EVI5: variants seen among roughly 807,000 people sequenced by gnomAD.
EVI5 encodes ecotropic viral integration site 5 protein homolog.
In EVI5, 73 loss-of-function variants were observed where a neutral mutation model predicts 112.0. The observed-to-expected ratio is 0.65, with a 90% CI of 0.54 to 0.79. The LOEUF (loss-of-function observed/expected upper bound fraction) is 0.79, where lower values mean the gene tolerates loss of function less well. Ranked by LOEUF, EVI5 falls within the 30% of genes least tolerant of loss-of-function variation. The pLI, the probability that EVI5 is intolerant of heterozygous loss-of-function variation, is 0.00. For missense variants in EVI5, 900 were observed against 968.8 expected, an observed-to-expected ratio of 0.93 and a Z score of 0.94; for synonymous variants, 305 against 319.9, an observed-to-expected ratio of 0.95 and a Z score of 0.50.
chr1:92,751,742 G>A (rs1680225298), intron 1 of EVI5, among the ~76,000 whole-genome samples: 1 of 152,120 alleles, frequency 6.6e-6, no homozygotes, highest in Admixed American at 6.5e-5. Context: ...ACCGGGCACA[G>A]TGGCTCCCGT....
At chr1:92,608,814 GCA>G (rs1478624336) in intron 16 of EVI5, among the ~76,000 whole-genome samples, 1 of 152,058 alleles carries the variant, frequency 6.6e-6, no homozygotes, top group Non-Finnish European at 1.5e-5. Context: ...TCAATGTCTA[GCA>G]CAGTCTCTTT....
rs1388324838 is a variant in EVI5, at chr1:92,703,587, A to G, written c.372T>C (p.Phe124=). The part of the protein sequence containing the change: ...ELVHKGIPHH[F]RAIVWQLLCS... ...ATAAAAGTTGCCAAACTATTGCTCT[A>G]AAGTGATGGGGTATCCCTTTATGAA... The change falls in exon 4 of 20, where the codon TTT becomes TTC. Residue 124 remains phenylalanine, a synonymous_variant. Transcript: ENST00000684568. The G allele has an allele frequency of 1.3e-6, 2 of 1,593,200 alleles. No individual in the cohort carries two copies. The highest frequency in any genetic ancestry group is 1.7e-6 in the Non-Finnish European group (2 of 1,173,144).
chr1:92,620,149 A>C (rs1338624084), intron 16 of EVI5, among the ~76,000 whole-genome samples: 2 of 152,184 alleles, frequency 1.3e-5, no homozygotes, highest in Non-Finnish European at 2.9e-5. Context: ...GTTTGAGAAC[A>C]GCCTGACCAA....
intron 19 of EVI5, among the ~76,000 whole-genome samples, chr1:92,533,384 C>G (rs1014585999): frequency 6.6e-6 from 1 of 152,156 alleles, no homozygotes; most frequent in African/African-American, 2.4e-5. Context: ...ACCATTCCTT[C>G]TGAAACTATT....
In EVI5 at chr1:92,598,041, A is replaced by C. The variant is rs367739936; in HGVS notation, c.2070+7266T>G. The stretch of plus-strand genomic sequence containing the variant: ...ACCACTGCACTCTGGTCTGAGCAAC[A>C]AAGTGAGACCTTTTTTTTGAAACAG... On this transcript the variant is annotated intron_variant, in intron 18 of 19. Coordinates refer to ENST00000684568, the MANE Select transcript of EVI5 (RefSeq NM_001350197.2). Among the ~76,000 whole-genome samples the C allele has an allele frequency of 1.2e-4, 18 of 152,242 alleles. 1 individual carries two copies. The South Asian group carries it at 3.5e-3, about 30-fold the overall frequency.
chr1:92,597,937 T>C (rs1207222677), intron 18 of EVI5, among the ~76,000 whole-genome samples: 1 of 152,178 alleles, frequency 6.6e-6, no homozygotes, highest in Non-Finnish European at 1.5e-5. Flanking sequence ...TGTGCTCCTG[T>C]AGTCTCAGGT....
chr1:92,552,118 T>A, intron 19 of EVI5, among the ~76,000 whole-genome samples: 1 of 83,196 alleles, frequency 1.2e-5, no homozygotes. Context: ...AATGGGGCTG[T>A]AGGGAAAAAA....
chr1:92,646,132 T>C (rs950608973), intron 13 of EVI5, among the ~76,000 whole-genome samples: 1 of 152,250 alleles, frequency 6.6e-6, no homozygotes, highest in African/African-American at 2.4e-5. Flanking sequence ...CTTTGAGCTT[T>C]ATATTATCAT....
chr1:92,767,492 C>T (rs1026461755), intron 1 of EVI5, among the ~76,000 whole-genome samples: 8 of 151,868 alleles, frequency 5.3e-5, no homozygotes, highest in Admixed American at 2.0e-4. Flanking sequence ...CTACTATATA[C>T]GTAAAAGAAA....
Position 92,641,599 on chromosome 1 carries a change from A to G in EVI5, c.1393-5263T>C, listed in dbSNP as rs1659974826. Among the ~76,000 whole-genome samples the G allele has an allele frequency of 4.6e-5, 7 of 152,334 alleles. 1 individual carries two copies. Among genetic ancestry groups the G allele is most frequent in the Admixed American group, 4.6e-4 (7 of 15,300 alleles). On this transcript the variant is annotated intron_variant, in intron 13 of 19. Transcript: ENST00000684568. ...ATTTGTAATAATGTGGGAAGATGGC[A>G]CATTTGGACCGCCATATCCAAAAGC...
chr1:92,775,523 C>A (rs2103067652), intron 1 of EVI5, among the ~76,000 whole-genome samples: 1 of 152,058 alleles, frequency 6.6e-6, no homozygotes, highest in East Asian at 1.9e-4. Context: ...TGTGTTACAA[C>A]TGCCTACAGT....
rs903129765 is a variant in EVI5 at position 92,748,762 on chromosome 1, C to T, written c.-81-12135G>A. 2.0e-5 allele frequency among the ~76,000 whole-genome samples: 3 copies of T among 151,802 alleles called. No individual in the cohort carries two copies. In the East Asian group the frequency reaches 5.8e-4, roughly 29 times the overall value. The stretch of plus-strand genomic sequence containing the variant: ...TGTGCTATGAGTAGGTACAAGTACA[C>T]TAAGAAAATATAAATACATATTGGC... On this transcript the variant is annotated intron_variant, in intron 1 of 19. Transcript: ENST00000684568.
chr1:92,625,943 G>A lies in EVI5; in HGVS notation c.1528-9C>T. On this transcript the variant is annotated splice_polypyrimidine_tract_variant and intron_variant, in intron 14 of 19. Coordinates refer to ENST00000684568, the MANE Select transcript of EVI5 (RefSeq NM_001350197.2). ...GGAAGGGAGTTATTCCTCTAAAGAAGAAGAAAATTTAATTTGGGATTTTTA... is the reference window on the plus strand; with the variant it reads ...GGAAGGGAGTTATTCCTCTAAAGAAAAAGAAAATTTAATTTGGGATTTTTA... 2 of 1,572,294 alleles carry A rather than the reference G, an allele frequency of 1.3e-6. No individual in the cohort carries two copies. Among genetic ancestry groups the A allele is most frequent in the South Asian group, 1.1e-5 (1 of 88,298 alleles).
chr1:92,632,014 A>C (rs1657261501), intron 14 of EVI5, among the ~76,000 whole-genome samples: 1 of 148,934 alleles, frequency 6.7e-6, no homozygotes, highest in Admixed American at 6.8e-5. Context: ...CCAGCCTTGC[A>C]TCCCAGGGAT....
intron 13 of EVI5, among the ~76,000 whole-genome samples, chr1:92,662,072 A>T (rs1453571358): frequency 6.6e-6 from 1 of 152,216 alleles, no homozygotes; most frequent in Non-Finnish European, 1.5e-5. Flanking sequence ...TACAATTAGT[A>T]GCTGTTTAGT....
intron 1 of EVI5, among the ~76,000 whole-genome samples, chr1:92,782,671 T>C (rs6685705): frequency 0.92 from 139,919 of 152,242 alleles, 64,381 homozygotes; most frequent in South Asian, 0.97. Flanking sequence ...TTTGGGAAAA[T>C]GTTCAACAAT....
chr1:92,688,067 T>C (rs1342876054), intron 9 of EVI5, among the ~76,000 whole-genome samples: 1 of 152,202 alleles, frequency 6.6e-6, no homozygotes, highest in Non-Finnish European at 1.5e-5. Context: ...TATGCTATTA[T>C]AAAGACACAT....
intron 10 of EVI5, among the ~76,000 whole-genome samples, chr1:92,675,955 CAAAAAAAAAA>C (rs370294019): frequency 3.5e-5 from 2 of 56,698 alleles, no homozygotes; most frequent in Non-Finnish European, 7.3e-5. Flanking sequence ...GACTTCGTCT[CAAAAAAAAAA>C]AAAAAGAAAA....
chr1:92,723,052 T>C lies in EVI5; in HGVS notation c.149+13346A>G, dbSNP rs571903098. On this transcript the variant is annotated intron_variant, in intron 2 of 19. Coordinates refer to ENST00000684568, the MANE Select transcript of EVI5 (RefSeq NM_001350197.2). ...TCAATTAAGCCAGACTCAAAATCTATAGTTCCTAATCCTGTTCCCTGTGAA... is the reference window on the plus strand; with the variant it reads ...TCAATTAAGCCAGACTCAAAATCTACAGTTCCTAATCCTGTTCCCTGTGAA... Among the ~76,000 whole-genome samples the C allele has an allele frequency of 1.2e-3, 187 of 152,334 alleles. 1 individual carries two copies. Among genetic ancestry groups the C allele is most frequent in the African/African-American group, 4.4e-3 (183 of 41,576 alleles).
Sources: allele counts gnomAD v4.1 joint callset (sites outside exome capture counted in the v4.1 genomes callset), GRCh38; gene constraint gnomAD v4.1.1; transcripts MANE v1.5; gene names NCBI Gene and HGNC (gene_info 2026-07-23, HGNC 2026-07-21).